The following PLA2G5 variants were observed in gnomAD, a reference collection of about 807,000 sequenced individuals.
PLA2G5 encodes Ca2+-dependent phospholipase A2.
PLA2G5 carries 12 observed loss-of-function variants against 15.9 expected under a neutral mutation model. The ratio of observed to expected loss-of-function variants is 0.76; its 90% confidence interval spans 0.48 to 1.23. The LOEUF (loss-of-function observed/expected upper bound fraction) is 1.23. PLA2G5 is among the 50% of genes most tolerant of loss of function. The probability of loss-of-function intolerance (pLI) is 0.00; values close to 1 mark genes in which losing one functional copy is unlikely to be tolerated. For missense variants in PLA2G5, 169 were observed against 177.1 expected, an observed-to-expected ratio of 0.95 and a Z score of 0.26; for synonymous variants, 71 against 71.4, an observed-to-expected ratio of 0.99 and a Z score of 0.03.
At chr1:20,070,561 A>G in intron 1 of PLA2G5, 96 bp downstream of exon 1, 1 of 741,430 alleles carries the variant, frequency 1.3e-6, no homozygotes, top group South Asian at 6.1e-5. Context: ...AGAGCCCAAG[A>G]GGAGGCCCAG....
chr1:20,068,417 GATAACTT>G (rs769776454), upstream of PLA2G5, among the ~76,000 whole-genome samples: 12 of 150,342 alleles, frequency 8.0e-5, no homozygotes, highest in Non-Finnish European at 3.0e-5. Flanking sequence ...ATTACTGATT[GATAACTT>G]GTATGGCATG....
chr1:20,036,410 CT>C (rs2013251679), intron 1 of PLA2G5, among the ~76,000 whole-genome samples: 1 of 152,114 alleles, frequency 6.6e-6, no homozygotes, highest in East Asian at 1.9e-4. Flanking sequence ...TAATTTCAAA[CT>C]TTTTGGAGGC....
Position 20,089,885 on chromosome 1 carries a change from G to A in PLA2G5, c.282G>A (p.Val94=). Residue 94 remains valine (V), a synonymous_variant, in exon 4 of 5, where the codon GTG becomes GTA. Transcript: ENST00000375108. ...QSYKYRFAWG[V]VTCEPGPFCH... is the part of the protein sequence containing the mutation. ...ACAAATACAGATTCGCGTGGGGCGT[G>A]GTCACCTGCGGTAAGGCTGGGGCTT... 6.2e-7 allele frequency: 1 copy of A among 1,611,926 alleles called. No individual in the cohort carries two copies. Among genetic ancestry groups the A allele is most frequent in the Non-Finnish European group, 8.5e-7 (1 of 1,178,480 alleles).
intron 1 of PLA2G5, among the ~76,000 whole-genome samples, chr1:20,075,435 G>A (rs1016225152): frequency 2.0e-5 from 3 of 152,164 alleles, no homozygotes; most frequent in African/African-American, 7.2e-5. Flanking sequence ...ACCTTACTAT[G>A]TGCCTAAACA....
intron 1 of PLA2G5, among the ~76,000 whole-genome samples, chr1:20,037,336 A>G (rs1003273663): frequency 6.6e-6 from 1 of 152,054 alleles, no homozygotes; most frequent in African/African-American, 2.4e-5. Flanking sequence ...TTCTGGGTCT[A>G]GCCATCCAGC....
chr1:20,068,763 A>T, upstream of PLA2G5: 1 of 352,100 alleles, frequency 2.8e-6, no homozygotes, highest in Non-Finnish European at 5.3e-6. Flanking sequence ...AAGTTTTTAT[A>T]TTATAAAAAT....
intron 1 of PLA2G5, among the ~76,000 whole-genome samples, chr1:20,038,349 C>T (rs1385938802): frequency 6.6e-6 from 1 of 152,192 alleles, no homozygotes; most frequent in African/African-American, 2.4e-5. Flanking sequence ...AAGTTTCCTT[C>T]TCCCTGTGAT....
chr1:20,053,331 G>C (rs1335429888), intron 1 of PLA2G5, among the ~76,000 whole-genome samples: 1 of 152,122 alleles, frequency 6.6e-6, no homozygotes, highest in Non-Finnish European at 1.5e-5. Context: ...ACCTCTGTGA[G>C]AAACAAATTT....
In PLA2G5 at chr1:20,091,733, A is replaced by G. The variant is rs1277184504; in HGVS notation, c.*1041A>G. ...ATAAAAGAAAGGATGTTCTGATACC[A>G]AGACTGAAAGAAGAAAGGATGTATT... On this transcript the variant is annotated 3_prime_UTR_variant, in exon 5 of 5. Transcript: ENST00000375108. Among the ~76,000 whole-genome samples, 3 of 152,194 alleles carry G rather than the reference A, an allele frequency of 2.0e-5. No homozygotes were observed. Among genetic ancestry groups the G allele is most frequent in the Non-Finnish European group, 4.4e-5 (3 of 68,044 alleles).
intron 1 of PLA2G5, among the ~76,000 whole-genome samples, chr1:20,035,317 T>C (rs907389604): frequency 1.3e-5 from 2 of 152,156 alleles, no homozygotes; most frequent in African/African-American, 4.8e-5. Context: ...GCCTGCTGCC[T>C]GGGAAAATGT....
At chr1:20,051,642 C>T (rs2100408411) in intron 1 of PLA2G5, among the ~76,000 whole-genome samples, 1 of 152,308 alleles carries the variant, frequency 6.6e-6, no homozygotes, top group Non-Finnish European at 1.5e-5. Context: ...CAGTAAGAAT[C>T]TGTTTTCATT....
upstream of PLA2G5, among the ~76,000 whole-genome samples, chr1:20,066,886 G>C (rs2015059280): frequency 6.6e-6 from 1 of 152,188 alleles, no homozygotes; most frequent in South Asian, 2.1e-4. Flanking sequence ...TGTGCCTGTA[G>C]TCCGAGCTAC....
At chr1:20,068,033 C>T (rs2015140631), upstream of PLA2G5, among the ~76,000 whole-genome samples, 1 of 152,002 alleles carries the variant, frequency 6.6e-6, no homozygotes, top group Non-Finnish European at 1.5e-5. Flanking sequence ...GCAGCAGAAT[C>T]GCTTGAACCT....
chr1:20,090,930 C>G lies in PLA2G5; in HGVS notation c.*238C>G, dbSNP rs1354709457. 2.3e-6 allele frequency: 1 copy of G among 443,970 alleles called. No individual in the cohort carries two copies. The allele number at this position is 443,970 out of a possible 1,614,324, so 27.5% of individuals were successfully genotyped here. On this transcript the variant is annotated 3_prime_UTR_variant, in exon 5 of 5. Transcript: ENST00000375108. ...TAGGCCTCCACTTCTGAGGGCAGCC[C>G]CTCTGGTGCCAAGAGCTCTCCTCCA...
intron 2 of PLA2G5, among the ~76,000 whole-genome samples, chr1:20,064,468 G>A (rs2014910601): frequency 6.6e-6 from 1 of 152,026 alleles, no homozygotes; most frequent in African/African-American, 2.4e-5. Flanking sequence ...CCAGCTACAT[G>A]GGAGGCTGAG....
intron 1 of PLA2G5, among the ~76,000 whole-genome samples, chr1:20,033,478 T>C (rs1486309113): frequency 6.6e-6 from 1 of 152,166 alleles, no homozygotes; most frequent in Non-Finnish European, 1.5e-5. Context: ...TAGAAGGGAT[T>C]GATGGCTTAT....
upstream of PLA2G5, among the ~76,000 whole-genome samples, chr1:20,068,693 C>T (rs1411137496): frequency 3.9e-5 from 6 of 152,032 alleles, no homozygotes; most frequent in Admixed American, 2.6e-4. Context: ...TCAGCTGATC[C>T]GCCCACCTCG....
chr1:20,041,699 A>C (rs1197295825), intron 1 of PLA2G5, among the ~76,000 whole-genome samples: 1 of 152,236 alleles, frequency 6.6e-6, no homozygotes, highest in Non-Finnish European at 1.5e-5. Context: ...AAATGATGAC[A>C]GAATAGAATG....
At chr1:20,063,944 C>T (rs972387267) in intron 2 of PLA2G5, among the ~76,000 whole-genome samples, 20 of 152,178 alleles carry the variant, frequency 1.3e-4, no homozygotes, top group African/African-American at 4.3e-4. Flanking sequence ...TCTTACTGAC[C>T]ACAAAGTAGC....
Sources: allele counts gnomAD v4.1 joint callset (sites outside exome capture counted in the v4.1 genomes callset), GRCh38; gene constraint gnomAD v4.1.1; transcripts MANE v1.5; gene names NCBI Gene and HGNC (gene_info 2026-07-23, HGNC 2026-07-21).